The following ZNF407 variants were observed in gnomAD, a reference collection of about 807,000 sequenced individuals.
ZNF407 encodes the protein zinc finger protein 407.
Under a neutral mutation model 131.2 loss-of-function variants are expected in ZNF407, and 17 were observed. That is an observed-to-expected ratio of 0.13 (90% CI 0.09 to 0.19). The LOEUF is 0.19. ZNF407 is among the 10% of genes least tolerant of loss of function. The probability of loss-of-function intolerance (pLI) is 1.00; values close to 1 mark genes in which losing one functional copy is unlikely to be tolerated. For synonymous variants in ZNF407, 1,156 were observed against 1,062.0 expected, an observed-to-expected ratio of 1.09 and a Z score of -1.72; for missense variants, 2,681 against 2,830.6, an observed-to-expected ratio of 0.95 and a Z score of 1.20.
At chr18:75,018,092 T>C (rs1243893663) in intron 8 of ZNF407, among the ~76,000 whole-genome samples, 3 of 152,220 alleles carry the variant, frequency 2.0e-5, no homozygotes, top group Non-Finnish European at 2.9e-5. Context: ...AATAGAATTA[T>C]GTGAACAACG....
At chr18:75,037,283 G>C (rs184695584) in intron 8 of ZNF407, among the ~76,000 whole-genome samples, 75 of 152,294 alleles carry the variant, frequency 4.9e-4, no homozygotes, top group African/African-American at 1.5e-3. Flanking sequence ...ACAGATCCCT[G>C]TTCAGAGTCT....
At chr18:74,975,194 G>T (rs116381631) in intron 8 of ZNF407, among the ~76,000 whole-genome samples, 1 of 152,184 alleles carries the variant, frequency 6.6e-6, no homozygotes, top group African/African-American at 2.4e-5. Flanking sequence ...GCTTTTAATT[G>T]AAGCAGAGTT....
chr18:74,890,055 G>A lies in ZNF407; in HGVS notation c.5249+17G>A, dbSNP rs767785865. 3 of 1,519,564 alleles carry A rather than the reference G, an allele frequency of 2.0e-6. No individual in the cohort carries two copies. The African/African-American group carries it at 4.2e-5, about 21-fold the overall frequency. The allele number at this position is 1,519,564 out of a possible 1,614,324, so 94.1% of individuals were successfully genotyped here. A position where few individuals can be genotyped will look rare whatever the true frequency, so the allele number is the denominator to read the frequency against. The stretch of plus-strand genomic sequence containing the variant: ...TGACTACAGGTAATGACTCATCACT[G>A]AGCAGTCAAATCAGGTGGGCCGCCA... On this transcript the variant is annotated intron_variant, in intron 7 of 8. Transcript: ENST00000299687.
intron 8 of ZNF407, among the ~76,000 whole-genome samples, chr18:74,974,171 C>T (rs1225218091): frequency 6.6e-6 from 1 of 152,142 alleles, no homozygotes; most frequent in African/African-American, 2.4e-5. Flanking sequence ...TCTCCCACCT[C>T]GAATCCTGTG....
At chr18:74,953,304 T>C (rs1453197859) in intron 8 of ZNF407, among the ~76,000 whole-genome samples, 1 of 152,212 alleles carries the variant, frequency 6.6e-6, no homozygotes, top group Admixed American at 6.5e-5. Flanking sequence ...CAGCTTGGCA[T>C]GCCGCCTTCT....
At chr18:74,928,754 T>C (rs1971944944) in intron 8 of ZNF407, among the ~76,000 whole-genome samples, 1 of 152,134 alleles carries the variant, frequency 6.6e-6, no homozygotes, top group African/African-American at 2.4e-5. Context: ...AGGGAGGACC[T>C]TGTAGGGAGG....
At chr18:74,879,782 T>G (rs1311516611) in intron 5 of ZNF407, among the ~76,000 whole-genome samples, 20 of 152,206 alleles carry the variant, frequency 1.3e-4, no homozygotes. Context: ...CGTAATTTGG[T>G]TAAAACTCTC....
rs511313 is a variant in ZNF407 at position 74,708,825 on chromosome 18, G to A, written c.4802+67703G>A. On this transcript the variant is annotated intron_variant, in intron 3 of 8. Transcript: ENST00000299687. ...GAGTGGAATAAATGATTGGCTGTTT[G>A]CTGCATTGCCATAAAGGGTGCCCAG... Among the ~76,000 whole-genome samples, 552 of 152,360 alleles carry A rather than the reference G, an allele frequency of 3.6e-3. 4 individuals are homozygous for A. Among genetic ancestry groups the A allele is most frequent in the African/African-American group, 0.013 (539 of 41,576 alleles).
chr18:74,657,611 G>C (rs554814698), intron 3 of ZNF407, among the ~76,000 whole-genome samples: 1 of 152,200 alleles, frequency 6.6e-6, no homozygotes, highest in Non-Finnish European at 1.5e-5. Context: ...CAACTATACA[G>C]ATGAGAGCTG....
chr18:74,943,239 C>T (rs1972120157), intron 8 of ZNF407, among the ~76,000 whole-genome samples: 1 of 152,214 alleles, frequency 6.6e-6, no homozygotes, highest in Admixed American at 6.5e-5. Context: ...TTTAAATTTA[C>T]AGCCCAGAGA....
At chr18:75,028,600 C>T (rs1318746036) in intron 8 of ZNF407, among the ~76,000 whole-genome samples, 7 of 152,178 alleles carry the variant, frequency 4.6e-5, no homozygotes, top group Non-Finnish European at 1.0e-4. Flanking sequence ...GACTCTGATG[C>T]CACTGGGCCT....
At chr18:74,717,205 A>T (rs998090793) in intron 3 of ZNF407, among the ~76,000 whole-genome samples, 3 of 152,224 alleles carry the variant, frequency 2.0e-5, no homozygotes, top group Admixed American at 1.3e-4. Flanking sequence ...TGACAATAAA[A>T]GTCAAGTTAT....
intron 3 of ZNF407, among the ~76,000 whole-genome samples, chr18:74,677,647 A>G (rs535033807): frequency 2.0e-5 from 3 of 152,296 alleles, no homozygotes; most frequent in East Asian, 3.9e-4. Context: ...AACTTAAAAT[A>G]CTTACCCTCT....
At chr18:74,804,738 A>T (rs1290987017) in intron 4 of ZNF407, 4 of 523,834 alleles carry the variant, frequency 7.6e-6, no homozygotes, top group Non-Finnish European at 9.8e-6. Context: ...CCGGAAGGTT[A>T]GCCGAGTTGT....
rs190198218 is a variant in ZNF407 at position 74,700,424 on chromosome 18, G to A, written c.4802+59302G>A. On this transcript the variant is annotated intron_variant, in intron 3 of 8. Transcript: ENST00000299687. ...GAAAGCTGCTGAACATGTGCTTTTC[G>A]CAAAGAGTATCAGAGGTGTGATGTC... 6.4e-3 allele frequency among the ~76,000 whole-genome samples: 969 copies of A among 152,220 alleles called. 8 individuals carry two copies. Among genetic ancestry groups the A allele is most frequent in the African/African-American group, 0.022 (914 of 41,536 alleles).
intron 7 of ZNF407, among the ~76,000 whole-genome samples, chr18:74,916,362 A>T (rs1184857225): frequency 1.5e-5 from 1 of 67,712 alleles, no homozygotes; most frequent in East Asian, 5.5e-4. Flanking sequence ...GTGTGCGTGC[A>T]TGTGTGTGCT....
At chr18:75,059,598 T>C (rs1319175342) in intron 8 of ZNF407, among the ~76,000 whole-genome samples, 1 of 152,010 alleles carries the variant, frequency 6.6e-6, no homozygotes, top group Admixed American at 6.6e-5. Context: ...TGGGGAGAAA[T>C]TGCAAGCATA....
At chr18:74,739,510 T>G (rs1968498200) in intron 3 of ZNF407, among the ~76,000 whole-genome samples, 1 of 150,900 alleles carries the variant, frequency 6.6e-6, no homozygotes, top group Non-Finnish European at 1.5e-5. Context: ...TTATTTATAT[T>G]TATATATATA....
In ZNF407 at chr18:74,884,526, T is replaced by C. The variant is rs1971281916; in HGVS notation, c.5128+3407T>C. Among the ~76,000 whole-genome samples the C allele has an allele frequency of 3.3e-5, 5 of 152,288 alleles. No individual in the cohort carries two copies. In the South Asian group the frequency reaches 1.0e-3, roughly 32 times the overall value. ...GCATAGGATTTTATGTACCATGATA[T>C]TTTTGTGGCATTATATTTTTCCCTG... On this transcript the variant is annotated intron_variant, in intron 6 of 8. Coordinates refer to ENST00000299687, the MANE Select transcript of ZNF407 (RefSeq NM_017757.3).
Sources: allele counts gnomAD v4.1 joint callset (sites outside exome capture counted in the v4.1 genomes callset), GRCh38; gene constraint gnomAD v4.1.1; transcripts MANE v1.5; gene names NCBI Gene and HGNC (gene_info 2026-07-23, HGNC 2026-07-21).